CCDC3: variants seen among roughly 807,000 people sequenced by gnomAD.
CCDC3 encodes the protein coiled-coil domain containing 3.
A neutral mutation model predicts 21.4 loss-of-function variants in CCDC3; 24 were observed. The ratio of observed to expected loss-of-function variants is 1.12; its 90% confidence interval spans 0.81 to 1.58. The LOEUF (loss-of-function observed/expected upper bound fraction) is 1.58, where lower values mean the gene tolerates loss of function less well. Among genes scored for constraint, CCDC3 ranks in the 40% most tolerant of loss-of-function variants. The pLI is 0.00. For missense variants in CCDC3, 425 were observed against 360.9 expected, an observed-to-expected ratio of 1.18 and a Z score of -1.44; for synonymous variants, 186 against 166.0, an observed-to-expected ratio of 1.12 and a Z score of -0.93.
intron 2 of CCDC3, among the ~76,000 whole-genome samples, chr10:12,960,993 G>A (rs1835171397): frequency 1.3e-5 from 2 of 152,264 alleles, no homozygotes; most frequent in South Asian, 4.2e-4. Context: ...AGATAAAGTG[G>A]GCAAGAGGTA....
intron 2 of CCDC3, among the ~76,000 whole-genome samples, chr10:12,914,548 G>C (rs112659527): frequency 3.3e-5 from 5 of 151,990 alleles, no homozygotes; most frequent in African/African-American, 1.2e-4. Context: ...TGGGTCAAGC[G>C]ATTCGCCTGC....
Position 13,032,275 on chromosome 10 carries a change from C to T in CCDC3, c.-2+17399G>A, listed in dbSNP as rs186814442. 2.2e-4 allele frequency among the ~76,000 whole-genome samples: 34 copies of T among 152,170 alleles called. No homozygotes were observed. The East Asian group carries it at 4.8e-3, about 22-fold the overall frequency. Reference sequence around the variant, plus strand: ...TCTCAATACATGCAGAAAAGGCCTTCGACAAAATTCAACAGCCCTTCATGC... The same window carrying T: ...TCTCAATACATGCAGAAAAGGCCTTTGACAAAATTCAACAGCCCTTCATGC... On this transcript the variant is annotated intron_variant, in intron 5 of 6. Transcript: ENST00000378839.
At chr10:12,972,088 C>T (rs2131265361) in intron 2 of CCDC3, among the ~76,000 whole-genome samples, 1 of 152,264 alleles carries the variant, frequency 6.6e-6, no homozygotes, top group South Asian at 2.1e-4. Flanking sequence ...CTTCTCTCCA[C>T]CTAGCACACT....
intron 5 of CCDC3, among the ~76,000 whole-genome samples, chr10:13,013,153 C>A (rs1477852648): frequency 6.6e-6 from 1 of 152,054 alleles, no homozygotes; most frequent in Non-Finnish European, 1.5e-5. Context: ...CTCTGTCGAC[C>A]AAGAAGGTCC....
At chr10:13,049,943 TGAGGACGGGA>T (rs1263945747) in intron 4 of CCDC3, 2 of 152,204 alleles carry the variant, frequency 1.3e-5, no homozygotes, top group Non-Finnish European at 2.9e-5. Flanking sequence ...AAGAAGTAGC[TGAGGACGGGA>T]AGAAACACAG....
chr10:13,044,616 G>C (rs917566895), intron 5 of CCDC3, among the ~76,000 whole-genome samples: 5 of 152,118 alleles, frequency 3.3e-5, no homozygotes, highest in African/African-American at 1.2e-4. Context: ...TTTCCCCATT[G>C]CTTATTTTTG....
At chr10:12,913,694 G>A (rs181208718) in intron 2 of CCDC3, among the ~76,000 whole-genome samples, 7 of 152,322 alleles carry the variant, frequency 4.6e-5, no homozygotes, top group East Asian at 1.9e-4. Context: ...TATTCACCAC[G>A]GAGTATGATG....
intron 2 of CCDC3, among the ~76,000 whole-genome samples, chr10:12,937,788 C>T (rs1009667077): frequency 6.6e-6 from 1 of 152,180 alleles, no homozygotes; most frequent in Non-Finnish European, 1.5e-5. Flanking sequence ...ATTGTCCTGG[C>T]TCAGATGGGA....
intron 5 of CCDC3, among the ~76,000 whole-genome samples, chr10:13,033,507 A>G (rs1442867886): frequency 2.0e-5 from 3 of 152,186 alleles, no homozygotes; most frequent in Admixed American, 6.6e-5. Context: ...TAATTAAACT[A>G]AAGAGCTTCT....
chr10:13,007,702 T>C (rs1471242311), intron 5 of CCDC3, among the ~76,000 whole-genome samples: 1 of 152,222 alleles, frequency 6.6e-6, no homozygotes, highest in Non-Finnish European at 1.5e-5. Context: ...TGGTCAAATA[T>C]GTCCTTTCTT....
chr10:12,947,893 G>A (rs1344394099), intron 2 of CCDC3, among the ~76,000 whole-genome samples: 1 of 152,176 alleles, frequency 6.6e-6, no homozygotes, highest in East Asian at 1.9e-4. Flanking sequence ...TTGTCCCTCA[G>A]CTCATAGATG....
At chr10:13,083,392 A>C (rs10796017) in intron 3 of CCDC3, among the ~76,000 whole-genome samples, 145,338 of 152,324 alleles carry the variant, frequency 0.95, 69,618 homozygotes, top group Non-Finnish European at 1. Context: ...GTAGAAAGTA[A>C]AAAGTTTCCT....
intron 3 of CCDC3, among the ~76,000 whole-genome samples, chr10:13,091,026 T>C (rs977525706): frequency 6.6e-6 from 1 of 152,174 alleles, no homozygotes; most frequent in African/African-American, 2.4e-5. Context: ...TGGAGTCTGA[T>C]GTTCAAGGGC....
At chr10:13,051,280 G>A (rs185394632) in intron 4 of CCDC3, among the ~76,000 whole-genome samples, 2 of 152,292 alleles carry the variant, frequency 1.3e-5, no homozygotes, top group African/African-American at 2.4e-5. Context: ...CCACTCCAGC[G>A]CTGGTTCAGC....
intron 3 of CCDC3, among the ~76,000 whole-genome samples, chr10:13,092,362 C>A (rs189290016): frequency 6.6e-6 from 1 of 152,250 alleles, no homozygotes; most frequent in East Asian, 1.9e-4. Context: ...TCTCTGAAAT[C>A]GTTGCAATGG....
At chr10:12,950,462 G>GA (rs1366774575) in intron 2 of CCDC3, among the ~76,000 whole-genome samples, 25 of 152,092 alleles carry the variant, frequency 1.6e-4, no homozygotes, top group African/African-American at 5.8e-4. Context: ...ACAATCTAAA[G>GA]AATTCATCCA....
chr10:12,949,051 C>T (rs907836756), intron 2 of CCDC3, among the ~76,000 whole-genome samples: 26 of 152,038 alleles, frequency 1.7e-4, no homozygotes, highest in African/African-American at 6.0e-4. Flanking sequence ...TACATAATGT[C>T]CTCAGTAGCT....
chr10:13,089,064 T>A (rs1034232398), intron 3 of CCDC3, among the ~76,000 whole-genome samples: 1 of 151,876 alleles, frequency 6.6e-6, no homozygotes, highest in East Asian at 1.9e-4. Flanking sequence ...GAGATATATG[T>A]AGAACAGGTC....
At chr10:12,966,248 C>A (rs1349496513) in intron 2 of CCDC3, among the ~76,000 whole-genome samples, 1 of 151,992 alleles carries the variant, frequency 6.6e-6, no homozygotes, top group East Asian at 1.9e-4. Context: ...ATATGGTACT[C>A]AGTTACCAGC....
Sources: gnomAD v4.1 joint callset for allele counts (sites outside exome capture counted in the v4.1 genomes callset) on GRCh38, gnomAD v4.1.1 for gene constraint, MANE v1.5 for transcripts, NCBI Gene and HGNC (gene_info 2026-07-23, HGNC 2026-07-21) for gene names.